Variants in UNC5D observed in about 807,000 individuals in gnomAD.
UNC5D encodes unc-5 netrin receptor D.
Under a neutral mutation model 105.4 loss-of-function variants are expected in UNC5D, and 39 were observed. The ratio of observed to expected loss-of-function variants is 0.37; its 90% CI spans 0.29 to 0.48. The LOEUF (loss-of-function observed/expected upper bound fraction) is 0.48. Among genes scored for constraint, UNC5D ranks in the 20% least tolerant of loss-of-function variants. The probability of loss-of-function intolerance (pLI) is 0.98; values close to 1 mark genes in which losing one functional copy is unlikely to be tolerated. For missense variants in UNC5D, 991 were observed against 1,202.4 expected, an observed-to-expected ratio of 0.82 and a Z score of 2.60; for synonymous variants, 452 against 450.4, an observed-to-expected ratio of 1.00 and a Z score of -0.04.
intron 4 of UNC5D, among the ~76,000 whole-genome samples, chr8:35,675,310 C>T (rs1825135568): frequency 6.6e-6 from 1 of 152,152 alleles, no homozygotes; most frequent in African/African-American, 2.4e-5. Flanking sequence ...ATGTATATTG[C>T]ACCAACCTCT....
chr8:35,477,307 T>G (rs554387264), intron 1 of UNC5D, among the ~76,000 whole-genome samples: 1 of 152,148 alleles, frequency 6.6e-6, no homozygotes, highest in South Asian at 2.1e-4. Context: ...AATGCTTCCA[T>G]AAGGCTGAGA....
chr8:35,779,539 A>C (rs1328955347), intron 16 of UNC5D, among the ~76,000 whole-genome samples: 1 of 152,070 alleles, frequency 6.6e-6, no homozygotes, highest in African/African-American at 2.4e-5. Flanking sequence ...GCTTACTGCA[A>C]CCTCCACTTC....
intron 11 of UNC5D, among the ~76,000 whole-genome samples, chr8:35,746,582 C>T (rs1232324435): frequency 6.6e-6 from 1 of 152,170 alleles, no homozygotes; most frequent in African/African-American, 2.4e-5. Context: ...TCAATATGCA[C>T]TGCCTCTGAC....
At chr8:35,496,366 C>T (rs1811597468) in intron 1 of UNC5D, among the ~76,000 whole-genome samples, 1 of 152,138 alleles carries the variant, frequency 6.6e-6, no homozygotes, top group Non-Finnish European at 1.5e-5. Context: ...CAGAAAAGAT[C>T]TTTCTGGCTG....
intron 1 of UNC5D, among the ~76,000 whole-genome samples, chr8:35,413,165 A>G (rs1259225165): frequency 6.6e-6 from 1 of 151,926 alleles, no homozygotes; most frequent in African/African-American, 2.4e-5. Flanking sequence ...TAGTCAATGC[A>G]AAACGAATCT....
intron 4 of UNC5D, among the ~76,000 whole-genome samples, chr8:35,643,902 CT>C (rs1324532202): frequency 1.3e-5 from 2 of 152,096 alleles, no homozygotes; most frequent in Non-Finnish European, 2.9e-5. Flanking sequence ...GTCTCAGGGC[CT>C]GAGAGCTTCA....
At chr8:35,783,924 A>G (rs1189563507) in intron 16 of UNC5D, among the ~76,000 whole-genome samples, 2 of 152,188 alleles carry the variant, frequency 1.3e-5, no homozygotes, top group South Asian at 2.1e-4. Flanking sequence ...CCTCAAATCT[A>G]AAGTTTTATT....
At chr8:35,643,268 A>C (rs1822862061) in intron 4 of UNC5D, among the ~76,000 whole-genome samples, 1 of 152,162 alleles carries the variant, frequency 6.6e-6, no homozygotes. Flanking sequence ...CCCTGGAGGA[A>C]AAAGTCGCCC....
At chr8:35,751,895 GA>G (rs767329898) in intron 13 of UNC5D, among the ~76,000 whole-genome samples, 3 of 152,106 alleles carry the variant, frequency 2.0e-5, no homozygotes, top group Non-Finnish European at 4.4e-5. Context: ...GGATGGATGC[GA>G]TTTAGGAACA....
intron 3 of UNC5D, among the ~76,000 whole-genome samples, chr8:35,578,835 G>A (rs764562366): frequency 2.0e-5 from 3 of 152,180 alleles, no homozygotes; most frequent in Non-Finnish European, 4.4e-5. Flanking sequence ...AGGCAGAAGT[G>A]TATTCCACCA....
chr8:35,377,764 G>T (rs1249222336), intron 1 of UNC5D, among the ~76,000 whole-genome samples: 1 of 152,162 alleles, frequency 6.6e-6, no homozygotes, highest in Admixed American at 6.5e-5. Flanking sequence ...CTTTTCTGAA[G>T]GATTTAGGCA....
chr8:35,757,678 C>T (rs565326429), intron 13 of UNC5D, among the ~76,000 whole-genome samples: 24 of 152,266 alleles, frequency 1.6e-4, no homozygotes, highest in African/African-American at 5.8e-4. Context: ...ACACCCAGTG[C>T]CCAGCTCCAA....
At chr8:35,308,611 A>G (rs1808621806) in intron 1 of UNC5D, among the ~76,000 whole-genome samples, 1 of 152,176 alleles carries the variant, frequency 6.6e-6, no homozygotes, top group South Asian at 2.1e-4. Flanking sequence ...AGTAGGAACC[A>G]AAGCTCGATC....
At position 35,686,854 on chromosome 8, in the gene UNC5D, G is replaced by A. The variant is rs569740310; in HGVS notation, c.1084+145G>A. On this transcript the variant is annotated intron_variant, in intron 7 of 16. Transcript: ENST00000404895. ...GGCAAAAATAAATTAGGTAAAAAGT[G>A]CAGAAAAGCAGACAAATGCATTTTT... 140 of 995,894 alleles carry A rather than the reference G, an allele frequency of 1.4e-4. No homozygotes were observed. The African/African-American group carries it at 2.2e-3, about 15-fold the overall frequency. 61.7% of individuals were successfully genotyped at this position (995,894 alleles called of 1,614,324 possible).
chr8:35,755,715 C>T (rs1182117960), intron 13 of UNC5D, among the ~76,000 whole-genome samples: 1 of 152,244 alleles, frequency 6.6e-6, no homozygotes, highest in South Asian at 2.1e-4. Flanking sequence ...AAACCACCAT[C>T]CAGAGCCTTC....
At chr8:35,659,427 A>G (rs1823980793) in intron 4 of UNC5D, among the ~76,000 whole-genome samples, 1 of 152,238 alleles carries the variant, frequency 6.6e-6, no homozygotes, top group South Asian at 2.1e-4. Flanking sequence ...GGAAACAAAC[A>G]TGAACAAGGT....
chr8:35,442,675 T>C (rs1381260212), intron 1 of UNC5D, among the ~76,000 whole-genome samples: 2 of 151,898 alleles, frequency 1.3e-5, no homozygotes, highest in Admixed American at 6.6e-5. Context: ...AATTCACCAA[T>C]GAAAATCCAT....
chr8:35,541,140 C>T lies in UNC5D; in HGVS notation c.104-8152C>T, dbSNP rs1815244729. On this transcript the variant is annotated intron_variant, in intron 1 of 16. Coordinates refer to ENST00000404895, the MANE Select transcript of UNC5D (RefSeq NM_080872.4). Reference sequence around the variant, plus strand: ...TTCACGAATCAAGCAGTCCTTGAACCAAAATAGGTTTAGAGAGACTCCAGG... The same window carrying T: ...TTCACGAATCAAGCAGTCCTTGAACTAAAATAGGTTTAGAGAGACTCCAGG... 2.0e-5 allele frequency among the ~76,000 whole-genome samples: 3 copies of T among 152,184 alleles called. No individual in the cohort carries two copies. The South Asian group carries it at 6.2e-4, about 32-fold the overall frequency.
intron 4 of UNC5D, among the ~76,000 whole-genome samples, chr8:35,627,977 T>C (rs1461453243): frequency 6.6e-6 from 1 of 152,148 alleles, no homozygotes; most frequent in East Asian, 1.9e-4. Flanking sequence ...GGTTTAGATT[T>C]TTTTTGATTG....
Sources: gnomAD v4.1 joint callset for allele counts (sites outside exome capture counted in the v4.1 genomes callset) on GRCh38, gnomAD v4.1.1 for gene constraint, MANE v1.5 for transcripts, NCBI Gene and HGNC (gene_info 2026-07-23, HGNC 2026-07-21) for gene names.